The following SLF1 variants were observed in gnomAD, a reference collection of about 807,000 sequenced individuals.
SLF1 encodes the protein SMC5-SMC6 complex localization factor protein 1.
A neutral mutation model predicts 123.0 loss-of-function variants in SLF1; 105 were observed. The observed-to-expected ratio is 0.85, with a 90% CI of 0.73 to 1.00. SLF1 has a LOEUF of 1.00. Among genes scored for constraint, SLF1 ranks in the 50% least tolerant of loss-of-function variants. The probability of loss-of-function intolerance (pLI) is 0.00; values close to 1 mark genes in which losing one functional copy is unlikely to be tolerated. For missense variants in SLF1, 1,239 were observed against 1,223.0 expected (o/e 1.01, Z -0.20); for synonymous variants, 434 against 406.6 (o/e 1.07, Z -0.81).
intron 20 of SLF1, 51 bp downstream of exon 20, chr5:94,692,307 T>G (rs975356649): frequency 1.3e-6 from 2 of 1,560,948 alleles, no homozygotes; most frequent in African/African-American, 1.4e-5. Context: ...AGTTTTTTGA[T>G]GAATCCTGCA....
At position 94,689,579 on chromosome 5, in the gene SLF1, A is replaced by G. The variant is rs1260469353; in HGVS notation, c.2392A>G (p.Met798Val). ...KENCPSVVKKMNFHKTNLKGE... is the reference protein window; with the variant it reads ...KENCPSVVKKVNFHKTNLKGE... ...GAATTGCCCCTCTGTAGTTAAAAAG[A>G]TGAATTTTCACAAGACTAATCTAAA... is the stretch of plus-strand genomic sequence containing the variant. The change falls in exon 18 of 21, where the codon ATG becomes GTG. Residue 798 changes from methionine to valine, a missense_variant. Transcript: ENST00000265140. 6.2e-7 allele frequency: 1 copy of G among 1,609,930 alleles called. No individual in the cohort carries two copies. Among genetic ancestry groups the G allele is most frequent in the East Asian group, 2.2e-5 (1 of 44,786 alleles).
At chr5:94,689,337 TAGAA>T (rs1752809498) in intron 17 of SLF1, 132 bp from the exon 18 acceptor site, 3 of 881,142 alleles carry the variant, frequency 3.4e-6, no homozygotes, top group African/African-American at 3.5e-5. Context: ...ATTTTAAAAT[TAGAA>T]AGCAGTAAAG....
chr5:94,660,205 G>A (rs1042208689), intron 9 of SLF1, among the ~76,000 whole-genome samples: 3 of 152,132 alleles, frequency 2.0e-5, no homozygotes, highest in African/African-American at 7.2e-5. Flanking sequence ...GGTTGATCCC[G>A]ATGTTCCTGG....
At chr5:94,661,236 G>A (rs1311532047) in intron 9 of SLF1, among the ~76,000 whole-genome samples, 2 of 152,204 alleles carry the variant, frequency 1.3e-5, no homozygotes, top group Non-Finnish European at 2.9e-5. Context: ...CCAGTTGCTA[G>A]GATTGCAGGA....
intron 1 of SLF1, among the ~76,000 whole-genome samples, chr5:94,619,504 AT>A (rs1791444179): frequency 6.6e-6 from 1 of 152,152 alleles, no homozygotes; most frequent in Non-Finnish European, 1.5e-5. Context: ...CAAAAAAAAA[AT>A]TGGTCCGTCT....
At position 94,660,012 on chromosome 5, in the gene SLF1, C is replaced by T. The variant is rs536328276; in HGVS notation, c.1156-2286C>T. ...TGTGGGTGGTTATCAGCAGCAGCAG[C>T]TTGACATGCTCATCCTTTGATCCCC... On this transcript the variant is annotated intron_variant, in intron 9 of 20. Coordinates refer to ENST00000265140, the MANE Select transcript of SLF1 (RefSeq NM_032290.4). Among the ~76,000 whole-genome samples, 7 of 152,286 alleles carry T rather than the reference C, an allele frequency of 4.6e-5. No individual in the cohort carries two copies. In the South Asian group the frequency reaches 1.4e-3, roughly 32 times the overall value.
chr5:94,649,713 T>C, intron 6 of SLF1, 116 bp downstream of exon 6: 1 of 991,336 alleles, frequency 1.0e-6, no homozygotes, highest in Non-Finnish European at 1.4e-6. Context: ...GTTTGAACCA[T>C]GTGTTTATAG....
chr5:94,645,940 G>A (rs1175062514), intron 5 of SLF1, among the ~76,000 whole-genome samples: 4 of 152,130 alleles, frequency 2.6e-5, no homozygotes, highest in African/African-American at 9.7e-5. Flanking sequence ...TCCAAGAAAA[G>A]CTGCCATGTA....
At chr5:94,655,924 G>A (rs1585161836) in intron 9 of SLF1, among the ~76,000 whole-genome samples, 1 of 151,436 alleles carries the variant, frequency 6.6e-6, no homozygotes, top group East Asian at 1.9e-4. Context: ...TTTCCAATTT[G>A]GATGCCTTTT....
Position 94,695,424 on chromosome 5 carries a change from C to G in SLF1, c.*112C>G. ...GTAATTTGATTTATTTATTGACAGA[C>G]TTTGCAGCCTTGCTAAATTTTAAAA... On this transcript the variant is annotated 3_prime_UTR_variant, in exon 21 of 21. Transcript: ENST00000265140. The G allele has an allele frequency of 8.0e-7, 1 of 1,250,432 alleles. No individual in the cohort carries two copies. The highest frequency in any genetic ancestry group is 1.0e-6 in the Non-Finnish European group (1 of 956,430). 77.5% of individuals were successfully genotyped at this position (1,250,432 alleles called of 1,614,324 possible).
At chr5:94,683,243 T>G (rs1422965091) in intron 15 of SLF1, among the ~76,000 whole-genome samples, 2 of 152,168 alleles carry the variant, frequency 1.3e-5, no homozygotes, top group Non-Finnish European at 2.9e-5. Context: ...GCTTCAGACC[T>G]TTTTCCTAAA....
rs373257151 is a variant in SLF1 at position 94,677,840 on chromosome 5, G to A, written c.1828-968G>A. 1.0e-3 allele frequency among the ~76,000 whole-genome samples: 157 copies of A among 152,110 alleles called. 3 individuals carry two copies. The South Asian group carries it at 0.031, about 30-fold the overall frequency. ...CAAACATTAGCGTAGGGTAAAGCAC[G>A]CTTAGAAGGTTTGTATGCCTTGTTA... On this transcript the variant is annotated intron_variant, in intron 14 of 20. Transcript: ENST00000265140.
Position 94,689,489 on chromosome 5 carries a change from A to T in SLF1, c.2302A>T (p.Lys768Ter). ...TCCTTTCAGAGACCTGAACCTTGCTAAATGTTCCTCATCATTAAAAAAATT... is the reference window on the plus strand; with the variant it reads ...TCCTTTCAGAGACCTGAACCTTGCTTAATGTTCCTCATCATTAAAAAAATT... ...LPELLDLNLA[K>*]CSSSLKKLKK... Residue 768 changes from lysine to a stop codon, truncating the protein, a stop_gained, in exon 18 of 21, where the codon AAA becomes TAA. Coordinates refer to ENST00000265140, the MANE Select transcript of SLF1 (RefSeq NM_032290.4). LOFTEE classifies it high-confidence loss of function. The T allele has an allele frequency of 6.2e-7, 1 of 1,612,318 alleles. No homozygotes were observed. Among genetic ancestry groups the T allele is most frequent in the Non-Finnish European group, 8.5e-7 (1 of 1,179,196 alleles).
chr5:94,686,848 C>T (rs1413188590), intron 16 of SLF1, 130 bp downstream of exon 16: 13 of 1,072,614 alleles, frequency 1.2e-5, no homozygotes, highest in East Asian at 5.8e-5. Context: ...AGTGCAGTGG[C>T]GCAATCGCGG....
chr5:94,665,054 C>G (rs979399195), intron 11 of SLF1, among the ~76,000 whole-genome samples: 2 of 152,136 alleles, frequency 1.3e-5, no homozygotes, highest in African/African-American at 4.8e-5. Context: ...AATACAATAA[C>G]TAATAAGATA....
In SLF1 at chr5:94,642,812, C is replaced by T. The variant is rs11741410; in HGVS notation, c.432-461C>T. On this transcript the variant is annotated intron_variant, in intron 4 of 20. Transcript: ENST00000265140. ...GTAAAATGTATTTCTTAACATAGAT[C>T]AAGGCTAATTTTTTTTTAAGTAGTT... Among the ~76,000 whole-genome samples, 1,140 of 151,474 alleles carry T rather than the reference C, an allele frequency of 7.5e-3. 10 individuals are homozygous for T. Among genetic ancestry groups the T allele is most frequent in the Middle Eastern group, 0.017 (5 of 294 alleles).
At position 94,653,336 on chromosome 5, in the gene SLF1, A is replaced by G. The variant is rs1181981762; in HGVS notation, c.947A>G (p.Lys316Arg). 5.9e-6 allele frequency: 9 copies of G among 1,526,042 alleles called. No homozygotes were observed. The East Asian group carries it at 2.0e-4, about 34-fold the overall frequency. 94.5% of individuals were successfully genotyped at this position (1,526,042 alleles called of 1,614,324 possible). Residue 316 changes from lysine to arginine, a missense_variant, in exon 8 of 21, where the codon AAA becomes AGA. Physicochemically the swap from Lys to Arg is conservative, Grantham distance 26. Transcript: ENST00000265140. Reference protein sequence around the residue: ...RSYTLRRKRKKGKESNCKKGV... With the variant: ...RSYTLRRKRKRGKESNCKKGV... ...TATACTTTGAGGAGAAAACGCAAGA[A>G]AGGAAAAGAAAGCAATTGCAAGAAA... is the stretch of plus-strand genomic sequence containing the variant.
At chr5:94,631,270 T>G (rs1272697486) in intron 4 of SLF1, among the ~76,000 whole-genome samples, 1 of 152,166 alleles carries the variant, frequency 6.6e-6, no homozygotes, top group African/African-American at 2.4e-5. Flanking sequence ...AAATGTAATT[T>G]ATAATCAATA....
intron 8 of SLF1, among the ~76,000 whole-genome samples, chr5:94,653,663 A>C (rs1263479972): frequency 6.6e-6 from 1 of 152,220 alleles, no homozygotes; most frequent in East Asian, 1.9e-4. Flanking sequence ...AATGTGATGA[A>C]TAAGAAAAAG....
Sources: gnomAD v4.1 joint callset for allele counts (sites outside exome capture counted in the v4.1 genomes callset) on GRCh38, gnomAD v4.1.1 for gene constraint, MANE v1.5 for transcripts, NCBI Gene and HGNC (gene_info 2026-07-23, HGNC 2026-07-21) for gene names.